The following CSMD1 variants were observed in gnomAD, a reference collection of about 807,000 sequenced individuals.
CSMD1 encodes the protein CUB and Sushi multiple domains 1.
CSMD1 carries 213 observed loss-of-function variants against 417.5 expected under a neutral mutation model. The ratio of observed to expected loss-of-function variants is 0.51; its 90% CI spans 0.46 to 0.57. The LOEUF is 0.57. Ranked by LOEUF, CSMD1 falls within the 20% of genes least tolerant of loss-of-function variation. The pLI is 0.00. For missense variants in CSMD1, 6,923 were observed against 4,529.7 expected (o/e 1.53, Z -15.17); for synonymous variants, 2,862 against 1,736.8 (o/e 1.65, Z -16.11).
chr8:3,834,170 T>C (rs76916252), intron 5 of CSMD1, among the ~76,000 whole-genome samples: 6,893 of 152,266 alleles, frequency 0.045, 471 homozygotes, highest in African/African-American at 0.14. Flanking sequence ...TACCTATTTT[T>C]TACCTATTCT....
intron 3 of CSMD1, among the ~76,000 whole-genome samples, chr8:4,318,430 A>G (rs1799063914): frequency 6.6e-6 from 1 of 152,082 alleles, no homozygotes; most frequent in Non-Finnish European, 1.5e-5. Context: ...AAAGAGTAAT[A>G]TTGTGAAAAT....
chr8:3,499,407 G>A (rs562570767), intron 10 of CSMD1, among the ~76,000 whole-genome samples: 3 of 152,214 alleles, frequency 2.0e-5, no homozygotes, highest in African/African-American at 7.2e-5. Context: ...CTTCTCAGTG[G>A]AATGAGTTTT....
rs543307136 is a variant in CSMD1 at position 3,460,027 on chromosome 8, C to G, written c.1561+8685G>C. Reference sequence around the variant, plus strand: ...AGCTATACAACCTGCAGCTTCTGCACAGCTGCACAGGTGTGGGGCATAAAG... The same window carrying G: ...AGCTATACAACCTGCAGCTTCTGCAGAGCTGCACAGGTGTGGGGCATAAAG... On this transcript the variant is annotated intron_variant, in intron 12 of 69. Transcript: ENST00000635120. Among the ~76,000 whole-genome samples, 17 of 152,324 alleles carry G rather than the reference C, an allele frequency of 1.1e-4. No homozygotes were observed. The South Asian group carries it at 3.3e-3, about 30-fold the overall frequency.
At chr8:3,237,060 TCTGA>T (rs1350732988) in intron 26 of CSMD1, among the ~76,000 whole-genome samples, 6 of 151,998 alleles carry the variant, frequency 3.9e-5, no homozygotes, top group Admixed American at 6.6e-5. Flanking sequence ...CAGCAGTGGG[TCTGA>T]CTGTTTCCAA....
intron 1 of CSMD1, among the ~76,000 whole-genome samples, chr8:4,659,655 G>A (rs940000638): frequency 1.3e-5 from 2 of 152,170 alleles, no homozygotes; most frequent in African/African-American, 4.8e-5. Context: ...CGACAGGGGA[G>A]TGACTGTTTA....
chr8:3,162,821 G>A (rs1819981966), intron 37 of CSMD1, among the ~76,000 whole-genome samples: 1 of 151,832 alleles, frequency 6.6e-6, no homozygotes, highest in African/African-American at 2.4e-5. Context: ...TCATTAAACA[G>A]AAACAATATT....
rs76614408 is a variant in CSMD1, at chr8:4,560,800, A to G, written c.302+76542T>C. On this transcript the variant is annotated intron_variant, in intron 2 of 69. Coordinates refer to ENST00000635120, the MANE Select transcript of CSMD1 (RefSeq NM_033225.6). ...CTGCACTGTAGCCTGAAGACTTCCT[A>G]ATGATTCTGCCTGTTCCTCTTCTGT... is the stretch of plus-strand genomic sequence containing the variant. Among the ~76,000 whole-genome samples the G allele has an allele frequency of 2.0e-5, 3 of 152,188 alleles. No homozygotes were observed. The East Asian group carries it at 5.8e-4, about 29-fold the overall frequency.
At chr8:4,126,004 G>C (rs557714555) in intron 3 of CSMD1, among the ~76,000 whole-genome samples, 1 of 152,004 alleles carries the variant, frequency 6.6e-6, no homozygotes, top group South Asian at 2.1e-4. Context: ...ATATGTTGCA[G>C]ACCCTGCACT....
At chr8:3,307,505 C>G (rs774708641) in intron 25 of CSMD1, among the ~76,000 whole-genome samples, 190 bp downstream of exon 25, 8 of 152,192 alleles carry the variant, frequency 5.3e-5, no homozygotes, top group South Asian at 2.1e-4. Flanking sequence ...CTATATAGAA[C>G]TTAATTAATG....
intron 48 of CSMD1, among the ~76,000 whole-genome samples, chr8:3,091,030 TTTA>T (rs1227325160): frequency 6.6e-6 from 1 of 152,040 alleles, no homozygotes; most frequent in East Asian, 1.9e-4. Context: ...TAAACATATA[TTTA>T]TTATGTATAT....
chr8:3,579,115 C>G (rs142760670), intron 9 of CSMD1, among the ~76,000 whole-genome samples: 1 of 152,300 alleles, frequency 6.6e-6, no homozygotes. Flanking sequence ...TTTTCCAGAC[C>G]TGTAAACTCA....
rs780274038 is a variant in CSMD1, at chr8:4,994,372, C to T, written c.45G>A (p.Gly15=). Reference sequence around the variant, plus strand: ...GGAGCCTCGCGCACAGCACCAGCAGCCCGAGAAGCAGGAGCAGCGACTGGA... The same window carrying T: ...GGAGCCTCGCGCACAGCACCAGCAGTCCGAGAAGCAGGAGCAGCGACTGGA... ...RRFQSLLLLL[G]LLVLCARLLT... Residue 15 remains glycine (G), a synonymous_variant, in exon 1 of 70, where the codon GGG becomes GGA. Coordinates refer to ENST00000635120, the MANE Select transcript of CSMD1 (RefSeq NM_033225.6). 8.1e-6 allele frequency: 13 copies of T among 1,611,970 alleles called. No individual in the cohort carries two copies. The African/African-American group carries it at 1.5e-4, about 18-fold the overall frequency.
intron 1 of CSMD1, among the ~76,000 whole-genome samples, chr8:4,679,589 G>A (rs962515209): frequency 6.6e-6 from 1 of 152,032 alleles, no homozygotes; most frequent in Non-Finnish European, 1.5e-5. Flanking sequence ...ACTGCAATAA[G>A]TTCTCTTAAT....
At chr8:3,266,660 A>AGCT (rs1376839543) in intron 26 of CSMD1, among the ~76,000 whole-genome samples, 5 of 148,780 alleles carry the variant, frequency 3.4e-5, no homozygotes, top group Admixed American at 6.8e-5. Flanking sequence ...CTGTAATCCC[A>AGCT]GCTACTCAGG....
chr8:4,739,720 G>C (rs1204466087), intron 1 of CSMD1, among the ~76,000 whole-genome samples: 1 of 152,074 alleles, frequency 6.6e-6, no homozygotes, highest in Non-Finnish European at 1.5e-5. Flanking sequence ...TTTACTAGGA[G>C]CTCGTGGTGG....
intron 1 of CSMD1, among the ~76,000 whole-genome samples, chr8:4,750,723 T>G (rs1199185456): frequency 6.6e-6 from 1 of 152,118 alleles, no homozygotes; most frequent in Non-Finnish European, 1.5e-5. Context: ...AAACTTGACT[T>G]TTGTCAGTAA....
intron 1 of CSMD1, among the ~76,000 whole-genome samples, chr8:4,791,007 T>C (rs1051289570): frequency 3.3e-5 from 5 of 152,092 alleles, no homozygotes; most frequent in Non-Finnish European, 7.4e-5. Context: ...TAAAAAGTTC[T>C]GCACTGCAAA....
intron 3 of CSMD1, among the ~76,000 whole-genome samples, chr8:4,376,858 G>T (rs1010673899): frequency 6.6e-6 from 1 of 152,140 alleles, no homozygotes; most frequent in Non-Finnish European, 1.5e-5. Context: ...GTGCTTCTCT[G>T]TTATGCATTT....
At chr8:3,633,760 T>C (rs1408468304) in intron 7 of CSMD1, among the ~76,000 whole-genome samples, 1 of 152,166 alleles carries the variant, frequency 6.6e-6, no homozygotes, top group African/African-American at 2.4e-5. Flanking sequence ...AGCAACCCCA[T>C]AGGCATTGCT....
Sources: allele counts gnomAD v4.1 joint callset (sites outside exome capture counted in the v4.1 genomes callset), GRCh38; gene constraint gnomAD v4.1.1; transcripts MANE v1.5; gene names NCBI Gene and HGNC (gene_info 2026-07-23, HGNC 2026-07-21).